Variants in EBF1 observed in about 807,000 individuals in gnomAD.
The protein encoded by EBF1 is transcription factor COE1.
A neutral mutation model predicts 68.4 loss-of-function variants in EBF1; 10 were observed. The ratio of observed to expected loss-of-function variants is 0.15; its 90% CI spans 0.09 to 0.25. The LOEUF is 0.25. Among genes scored for constraint, EBF1 ranks in the 10% least tolerant of loss-of-function variants. The pLI, the probability that EBF1 is intolerant of heterozygous loss-of-function variation, is 1.00. For synonymous variants in EBF1, 298 were observed against 299.8 expected (o/e 0.99, Z 0.06); for missense variants, 509 against 794.4 (o/e 0.64, Z 4.32).
chr5:158,894,518 C>T (rs1801803701), intron 6 of EBF1, among the ~76,000 whole-genome samples: 3 of 152,282 alleles, frequency 2.0e-5, no homozygotes, highest in South Asian at 4.1e-4. Context: ...CATCAAGTGG[C>T]AGATTAGTTT....
intron 11 of EBF1, among the ~76,000 whole-genome samples, chr5:158,726,963 T>A (rs1274974384): frequency 3.3e-5 from 5 of 152,228 alleles, no homozygotes; most frequent in Admixed American, 3.3e-4. Context: ...TACTGGAGTC[T>A]TGCTAGATGC....
At chr5:158,866,611 G>T (rs1795903124) in intron 6 of EBF1, among the ~76,000 whole-genome samples, 1 of 151,496 alleles carries the variant, frequency 6.6e-6, no homozygotes, top group Non-Finnish European at 1.5e-5. Context: ...CATCCATACC[G>T]GGCCCTGTTA....
chr5:158,871,679 G>A (rs916363573), intron 6 of EBF1, among the ~76,000 whole-genome samples: 3 of 152,148 alleles, frequency 2.0e-5, no homozygotes, highest in Non-Finnish European at 2.9e-5. Context: ...ATGTTACAAT[G>A]GAGAACCTCT....
chr5:159,081,431 G>A (rs975466145), intron 5 of EBF1, among the ~76,000 whole-genome samples: 6 of 152,156 alleles, frequency 3.9e-5, no homozygotes, highest in Admixed American at 3.9e-4. Flanking sequence ...GTAAGGTTCA[G>A]GACTATCTGC....
At chr5:158,761,973 T>A (rs1771563073) in intron 10 of EBF1, among the ~76,000 whole-genome samples, 1 of 152,194 alleles carries the variant, frequency 6.6e-6, no homozygotes, top group African/African-American at 2.4e-5. Context: ...ATGTACTTAA[T>A]AATGCAATAA....
intron 6 of EBF1, among the ~76,000 whole-genome samples, chr5:158,978,843 G>A (rs1757345346): frequency 6.7e-6 from 1 of 149,232 alleles, no homozygotes; most frequent in South Asian, 2.1e-4. Context: ...CACAGAGAGA[G>A]AGTCCACAGT....
chr5:158,998,349 C>T (rs1761863153), intron 6 of EBF1, among the ~76,000 whole-genome samples: 1 of 152,278 alleles, frequency 6.6e-6, no homozygotes, highest in Non-Finnish European at 1.5e-5. Context: ...CCCTACTCCG[C>T]AAGCTCTAGC....
At chr5:158,892,218 G>C (rs550149759) in intron 6 of EBF1, among the ~76,000 whole-genome samples, 1 of 152,194 alleles carries the variant, frequency 6.6e-6, no homozygotes, top group African/African-American at 2.4e-5. Flanking sequence ...GCCAGGCACA[G>C]TGGCTTATGC....
chr5:159,043,914 T>C (rs1771779101), intron 6 of EBF1, among the ~76,000 whole-genome samples: 2 of 152,190 alleles, frequency 1.3e-5, no homozygotes, highest in African/African-American at 4.8e-5. Context: ...CTGGCACTTG[T>C]GCAGTCACAG....
chr5:158,981,397 T>A (rs1757873647), intron 6 of EBF1, among the ~76,000 whole-genome samples: 1 of 152,184 alleles, frequency 6.6e-6, no homozygotes, highest in African/African-American at 2.4e-5. Context: ...AGTAGAAGCA[T>A]ACATTTTTAC....
At chr5:159,051,650 GC>G (rs1345919513) in intron 6 of EBF1, among the ~76,000 whole-genome samples, 1 of 151,822 alleles carries the variant, frequency 6.6e-6, no homozygotes, top group African/African-American at 2.4e-5. Context: ...ATAGCAAGGA[GC>G]CCCGACTGTA....
chr5:158,846,854 G>T (rs1258465555), intron 6 of EBF1, among the ~76,000 whole-genome samples: 2 of 152,282 alleles, frequency 1.3e-5, no homozygotes, highest in African/African-American at 2.4e-5. Context: ...TCCTGAGAGA[G>T]ACCCTCTTTG....
intron 6 of EBF1, among the ~76,000 whole-genome samples, chr5:159,055,662 T>G (rs1351250571): frequency 6.6e-6 from 1 of 152,210 alleles, no homozygotes; most frequent in Non-Finnish European, 1.5e-5. Flanking sequence ...CTAAATCTGA[T>G]GAGTAGTGAA....
intron 10 of EBF1, among the ~76,000 whole-genome samples, chr5:158,743,365 C>G (rs1766846402): frequency 6.6e-6 from 1 of 152,160 alleles, no homozygotes; most frequent in Non-Finnish European, 1.5e-5. Flanking sequence ...CCAGTTTGGG[C>G]AGAGTACAGC....
At chr5:158,933,840 AC>A (rs879889431) in intron 6 of EBF1, among the ~76,000 whole-genome samples, 11 of 152,340 alleles carry the variant, frequency 7.2e-5, no homozygotes, top group Admixed American at 7.2e-4. Context: ...ACACCCCAAA[AC>A]AAAAGAACCC....
At chr5:158,767,825 C>T (rs758214848) in intron 10 of EBF1, among the ~76,000 whole-genome samples, 4 of 152,102 alleles carry the variant, frequency 2.6e-5, no homozygotes, top group Admixed American at 2.0e-4. Context: ...GCAAGAAATG[C>T]TGCTGGCCTA....
intron 6 of EBF1, among the ~76,000 whole-genome samples, chr5:159,039,759 T>C (rs867868851): frequency 1.3e-5 from 2 of 152,206 alleles, no homozygotes; most frequent in Admixed American, 6.5e-5. Flanking sequence ...TCCCATTGGA[T>C]TTGATTCATG....
chr5:158,858,835 A>AG (rs1794510138), intron 6 of EBF1, among the ~76,000 whole-genome samples: 2 of 152,282 alleles, frequency 1.3e-5, no homozygotes, highest in South Asian at 4.1e-4. Context: ...TTGGTGTGGA[A>AG]GTAGTTGGTT....
rs183768545 is a variant in EBF1, at chr5:158,974,229, C to G, written c.554+99167G>C. Among the ~76,000 whole-genome samples, 146 of 152,304 alleles carry G rather than the reference C, an allele frequency of 9.6e-4. 1 individual carries two copies. The highest frequency in any genetic ancestry group is 3.3e-3 in the African/African-American group (138 of 41,538). ...GATGGCAACCTGTGGTTCAGAGAAC[C>G]CAATATAATCAGAGCCTTCTCTTTT... On this transcript the variant is annotated intron_variant, in intron 6 of 15. Coordinates refer to ENST00000313708, the MANE Select transcript of EBF1 (RefSeq NM_024007.5).
Sources: allele counts gnomAD v4.1 joint callset (sites outside exome capture counted in the v4.1 genomes callset), GRCh38; gene constraint gnomAD v4.1.1; transcripts MANE v1.5; gene names NCBI Gene and HGNC (gene_info 2026-07-23, HGNC 2026-07-21).